DPYD: variants seen among roughly 807,000 people sequenced by gnomAD.
DPYD encodes dihydropyrimidine dehydrogenase [NADP(+)].
Under a neutral mutation model 116.2 loss-of-function variants are expected in DPYD, and 109 were observed. The ratio of observed to expected loss-of-function variants is 0.94; its 90% CI spans 0.80 to 1.10. DPYD has a LOEUF of 1.10. Among genes scored for constraint, DPYD ranks in the 50% least tolerant of loss-of-function variants. The pLI is 0.00. For synonymous variants in DPYD, 440 were observed against 432.0 expected (o/e 1.02, Z -0.23); for missense variants, 1,302 against 1,254.5 (o/e 1.04, Z -0.57).
At chr1:97,744,019 A>G (rs2101078879) in intron 3 of DPYD, among the ~76,000 whole-genome samples, 1 of 152,192 alleles carries the variant, frequency 6.6e-6, no homozygotes, top group Non-Finnish European at 1.5e-5. Flanking sequence ...ACACTTTTTA[A>G]ATTTTCATAT....
intron 10 of DPYD, among the ~76,000 whole-genome samples, chr1:97,583,569 T>C (rs1186592297): frequency 6.6e-6 from 1 of 152,070 alleles, no homozygotes; most frequent in African/African-American, 2.4e-5. Flanking sequence ...GATCATCTGT[T>C]TTCTGCCACC....
intron 14 of DPYD, among the ~76,000 whole-genome samples, 173 bp downstream of exon 14, chr1:97,449,886 T>C (rs1327095523): frequency 6.6e-6 from 1 of 152,210 alleles, no homozygotes; most frequent in Non-Finnish European, 1.5e-5. Context: ...TGGGTTTTTA[T>C]GAGTTCTTGA....
chr1:97,759,863 T>TA (rs1665476211), intron 3 of DPYD, among the ~76,000 whole-genome samples: 1 of 152,158 alleles, frequency 6.6e-6, no homozygotes, highest in Non-Finnish European at 1.5e-5. Context: ...ATCCATAACT[T>TA]ACACAATAAC....
intron 11 of DPYD, among the ~76,000 whole-genome samples, chr1:97,563,720 TG>T: frequency 6.6e-6 from 1 of 152,338 alleles, no homozygotes; most frequent in African/African-American, 2.4e-5. Context: ...AATATCATGT[TG>T]TGCTTCAAAT....
chr1:97,260,368 A>G (rs1453353830), intron 18 of DPYD, among the ~76,000 whole-genome samples: 1 of 152,060 alleles, frequency 6.6e-6, no homozygotes, highest in African/African-American at 2.4e-5. Flanking sequence ...AACTTATATG[A>G]TAGTATTCTG....
intron 2 of DPYD, among the ~76,000 whole-genome samples, chr1:97,848,051 T>A (rs1049499349): frequency 8.5e-5 from 13 of 152,192 alleles, no homozygotes; most frequent in Admixed American, 3.9e-4. Flanking sequence ...ATTAAAATAT[T>A]CAATGTTAAT....
At chr1:97,378,680 C>T (rs1199003501) in intron 15 of DPYD, among the ~76,000 whole-genome samples, 2 of 152,172 alleles carry the variant, frequency 1.3e-5, no homozygotes, top group African/African-American at 2.4e-5. Context: ...TGGCAATACT[C>T]GAACTGTATA....
chr1:97,699,605 A>G lies in DPYD; in HGVS notation c.484-58T>C, dbSNP rs947935001. The G allele has an allele frequency of 3.7e-5, 56 of 1,514,884 alleles. No individual in the cohort carries two copies. The Middle Eastern group carries it at 5.2e-4, about 14-fold the overall frequency. The allele number at this position is 1,514,884 out of a possible 1,614,324, so 93.8% of individuals were successfully genotyped here. On this transcript the variant is annotated intron_variant, in intron 5 of 22. Coordinates refer to ENST00000370192, the MANE Select transcript of DPYD (RefSeq NM_000110.4). ...TTGAAACTAGCTTACATCCTCAAACATATTTTTAATGTTTCAAACGAATTC... is the reference window on the plus strand; with the variant it reads ...TTGAAACTAGCTTACATCCTCAAACGTATTTTTAATGTTTCAAACGAATTC...
chr1:97,425,711 C>G (rs1457034629), intron 14 of DPYD, among the ~76,000 whole-genome samples: 1 of 152,070 alleles, frequency 6.6e-6, no homozygotes, highest in Non-Finnish European at 1.5e-5. Flanking sequence ...TCCAATCATG[C>G]TATGGCTTCA....
chr1:97,151,697 TAAAA>T, intron 20 of DPYD, among the ~76,000 whole-genome samples: 1 of 150,886 alleles, frequency 6.6e-6, no homozygotes, highest in South Asian at 2.1e-4. Context: ...AATAAAAAAA[TAAAA>T]AAATTAAAAA....
At chr1:97,606,199 T>C (rs943316319) in intron 8 of DPYD, among the ~76,000 whole-genome samples, 1 of 152,072 alleles carries the variant, frequency 6.6e-6, no homozygotes, top group Admixed American at 6.6e-5. Flanking sequence ...TATTCATTAA[T>C]ATTTACTGAA....
In DPYD at chr1:97,748,083, C is replaced by T. The variant is rs180701897; in HGVS notation, c.234-7604G>A. 8.7e-4 allele frequency among the ~76,000 whole-genome samples: 132 copies of T among 152,124 alleles called. 1 individual carries two copies. The highest frequency in any genetic ancestry group is 5.0e-3 in the Admixed American group (77 of 15,278). Reference sequence around the variant, plus strand: ...ATAATGTTTTATAATTATTTATGTACATTAAACATAGTAGACATCTGACAA... The same window carrying T: ...ATAATGTTTTATAATTATTTATGTATATTAAACATAGTAGACATCTGACAA... On this transcript the variant is annotated intron_variant, in intron 3 of 22. Coordinates refer to ENST00000370192, the MANE Select transcript of DPYD (RefSeq NM_000110.4).
At chr1:97,754,279 AG>A (rs1476276688) in intron 3 of DPYD, among the ~76,000 whole-genome samples, 1 of 152,244 alleles carries the variant, frequency 6.6e-6, no homozygotes, top group Non-Finnish European at 1.5e-5. Context: ...TAGAAGCTAA[AG>A]GACACAATAT....
chr1:97,328,226 CA>C (rs1472860817), intron 16 of DPYD, among the ~76,000 whole-genome samples: 4 of 152,124 alleles, frequency 2.6e-5, no homozygotes, highest in African/African-American at 9.7e-5. Flanking sequence ...CTATGTTATT[CA>C]TAATAGAATT....
At chr1:97,539,024 T>C (rs1650223902) in intron 12 of DPYD, among the ~76,000 whole-genome samples, 3 of 152,176 alleles carry the variant, frequency 2.0e-5, no homozygotes, top group South Asian at 2.1e-4. Context: ...AACAGAAGAA[T>C]AGTATTTAGG....
chr1:97,192,258 TC>T (rs1476107449), intron 20 of DPYD, among the ~76,000 whole-genome samples: 1 of 152,148 alleles, frequency 6.6e-6, no homozygotes, highest in African/African-American at 2.4e-5. Flanking sequence ...GCTTTTGTTT[TC>T]CATTCTTTTT....
chr1:97,442,871 C>T (rs961553330), intron 14 of DPYD, among the ~76,000 whole-genome samples: 4 of 152,168 alleles, frequency 2.6e-5, no homozygotes, highest in Non-Finnish European at 5.9e-5. Flanking sequence ...CTTGCCAAAT[C>T]TCCCTTTCAC....
At chr1:97,782,423 A>G in intron 3 of DPYD, among the ~76,000 whole-genome samples, 1 of 152,184 alleles carries the variant, frequency 6.6e-6, no homozygotes. Context: ...AGCATGTTCT[A>G]CAGAAGTCCA....
chr1:97,789,943 CAA>C (rs1242886954), intron 3 of DPYD, among the ~76,000 whole-genome samples: 1 of 151,784 alleles, frequency 6.6e-6, no homozygotes, highest in East Asian at 1.9e-4. Flanking sequence ...TTTTGAAAAA[CAA>C]AAAACGAAGC....
Sources: gnomAD v4.1 joint callset for allele counts (sites outside exome capture counted in the v4.1 genomes callset) on GRCh38, gnomAD v4.1.1 for gene constraint, MANE v1.5 for transcripts, NCBI Gene and HGNC (gene_info 2026-07-23, HGNC 2026-07-21) for gene names.